The following TMEM117 variants were observed in gnomAD, a reference collection of about 807,000 sequenced individuals.
The protein encoded by TMEM117 is transmembrane protein 117.
TMEM117 carries 27 observed loss-of-function variants against 52.4 expected under a neutral mutation model. The observed-to-expected ratio is 0.51, with a 90% CI of 0.38 to 0.71. The LOEUF is 0.71. Among genes scored for constraint, TMEM117 ranks in the 30% least tolerant of loss-of-function variants. The probability of loss-of-function intolerance (pLI) is 0.00; values close to 1 mark genes in which losing one functional copy is unlikely to be tolerated. For synonymous variants in TMEM117, 215 were observed against 206.3 expected (o/e 1.04, Z -0.36); for missense variants, 556 against 630.5 (o/e 0.88, Z 1.26).
intron 3 of TMEM117, among the ~76,000 whole-genome samples, chr12:44,106,586 A>G (rs1442663620): frequency 3.9e-5 from 6 of 152,012 alleles, no homozygotes; most frequent in African/African-American, 1.2e-4. Context: ...AACTGTATTT[A>G]ACAATAATAT....
At chr12:44,280,154 A>T (rs991965719) in intron 5 of TMEM117, among the ~76,000 whole-genome samples, 4 of 152,192 alleles carry the variant, frequency 2.6e-5, no homozygotes, top group Non-Finnish European at 5.9e-5. Context: ...CATTTGAAAG[A>T]TTCAAAATTC....
intron 5 of TMEM117, among the ~76,000 whole-genome samples, chr12:44,284,037 G>T (rs554126783): frequency 2.0e-5 from 3 of 152,068 alleles, no homozygotes; most frequent in Non-Finnish European, 4.4e-5. Flanking sequence ...CCTTTTGGCC[G>T]GGTGCGGTGG....
chr12:44,139,286 A>T (rs1948537389), intron 3 of TMEM117, among the ~76,000 whole-genome samples: 1 of 152,130 alleles, frequency 6.6e-6, no homozygotes, highest in Non-Finnish European at 1.5e-5. Context: ...TAATAGACTG[A>T]AGTGAACTGG....
At chr12:44,126,512 A>G (rs896445311) in intron 3 of TMEM117, among the ~76,000 whole-genome samples, 2 of 152,242 alleles carry the variant, frequency 1.3e-5, no homozygotes, top group Admixed American at 6.5e-5. Context: ...CTGTATTCAT[A>G]TAATGCCTTG....
chr12:44,042,318 TTTAC>T (rs1454226179), intron 3 of TMEM117, among the ~76,000 whole-genome samples: 12 of 151,790 alleles, frequency 7.9e-5, no homozygotes, highest in African/African-American at 2.4e-4. Context: ...TCTGCTGGGA[TTTAC>T]TTATTTATTT....
chr12:44,328,818 A>G (rs1278694575), intron 6 of TMEM117, among the ~76,000 whole-genome samples: 1 of 152,100 alleles, frequency 6.6e-6, no homozygotes, highest in Non-Finnish European at 1.5e-5. Flanking sequence ...GTTCTTAAAT[A>G]TAGATTTTAT....
intron 3 of TMEM117, among the ~76,000 whole-genome samples, chr12:44,004,533 A>AGGATGGT (rs1482507588): frequency 6.6e-6 from 1 of 152,114 alleles, no homozygotes; most frequent in Non-Finnish European, 1.5e-5. Context: ...CATTGTAGGG[A>AGGATGGT]GGATGGTGGC....
chr12:44,381,273 T>G (rs1952016409), intron 7 of TMEM117, among the ~76,000 whole-genome samples: 1 of 152,204 alleles, frequency 6.6e-6, no homozygotes, highest in African/African-American at 2.4e-5. Context: ...TAGCCCAAGT[T>G]CATTGTTCTC....
Position 44,388,373 on chromosome 12 carries a change from C to T in TMEM117, c.1246C>T (p.Arg416Ter). The T allele has an allele frequency of 6.2e-7, 1 of 1,613,292 alleles. No homozygotes were observed. The highest frequency in any genetic ancestry group is 8.5e-7 in the Non-Finnish European group (1 of 1,179,596). The change falls in exon 8 of 8, where the codon CGA (arginine) becomes TGA (stop). Residue 416 changes from arginine to a stop codon, truncating the protein, a stop_gained. Transcript: ENST00000266534. LOFTEE classifies it high-confidence loss of function. ...WFGFFIWFFG[R>*]FLKNEPRMEN... Reference sequence around the variant, plus strand: ...TGGATTCTTTATTTGGTTCTTTGGACGATTTTTGAAAAATGAGCCACGCAT... The same window carrying T: ...TGGATTCTTTATTTGGTTCTTTGGATGATTTTTGAAAAATGAGCCACGCAT...
intron 3 of TMEM117, among the ~76,000 whole-genome samples, chr12:44,115,861 T>A (rs1948132498): frequency 6.6e-6 from 1 of 152,332 alleles, no homozygotes; most frequent in East Asian, 1.9e-4. Flanking sequence ...TCATACATGA[T>A]AAAGTGCCTT....
intron 5 of TMEM117, among the ~76,000 whole-genome samples, chr12:44,246,282 G>T (rs924775936): frequency 6.6e-6 from 1 of 151,970 alleles, no homozygotes; most frequent in Non-Finnish European, 1.5e-5. Flanking sequence ...GATATTCTGG[G>T]TTTTATTTTT....
intron 3 of TMEM117, among the ~76,000 whole-genome samples, chr12:44,065,359 G>T (rs1947206390): frequency 6.6e-6 from 1 of 151,972 alleles, no homozygotes; most frequent in Non-Finnish European, 1.5e-5. Flanking sequence ...CTGCACTCCA[G>T]CCTGGGCTAC....
intron 5 of TMEM117, among the ~76,000 whole-genome samples, chr12:44,234,629 A>T (rs1329961147): frequency 6.7e-6 from 1 of 149,810 alleles, no homozygotes; most frequent in East Asian, 2.0e-4. Context: ...TATTTCCTAC[A>T]TTTTTTTTGC....
At chr12:44,090,396 C>CTTTTTTT (rs201492790) in intron 3 of TMEM117, among the ~76,000 whole-genome samples, 13 of 143,846 alleles carry the variant, frequency 9.0e-5, no homozygotes, top group African/African-American at 3.3e-4. Context: ...TTTTATCTTA[C>CTTTTTTT]TTTTTATTTA....
At chr12:44,338,085 A>T (rs1372071735) in intron 6 of TMEM117, among the ~76,000 whole-genome samples, 1 of 151,650 alleles carries the variant, frequency 6.6e-6, no homozygotes, top group Non-Finnish European at 1.5e-5. Context: ...AAGTATTTTT[A>T]AAGGTTCATT....
At chr12:44,229,597 C>T (rs961641755) in intron 5 of TMEM117, among the ~76,000 whole-genome samples, 4 of 152,130 alleles carry the variant, frequency 2.6e-5, no homozygotes, top group African/African-American at 9.7e-5. Context: ...TGCCCCACTT[C>T]TCACCTTTCT....
intron 4 of TMEM117, among the ~76,000 whole-genome samples, chr12:44,198,802 G>A (rs764348309): frequency 7.2e-5 from 11 of 152,080 alleles, no homozygotes; most frequent in Admixed American, 2.0e-4. Flanking sequence ...AAAGGAAGGG[G>A]CACCATAGTT....
At chr12:43,950,207 T>C (rs1171568213) in intron 3 of TMEM117, among the ~76,000 whole-genome samples, 1 of 152,178 alleles carries the variant, frequency 6.6e-6, no homozygotes, top group East Asian at 1.9e-4. Flanking sequence ...TTTAGGCCAA[T>C]CTTGAGGACT....
Position 44,196,311 on chromosome 12 carries a change from G to A in TMEM117, c.511-14979G>A, listed in dbSNP as rs117965704. ...AAATAAAGGTACTATATAGAGGATC[G>A]AAATATACAAAATTTGTTATCTGAA... is the stretch of plus-strand genomic sequence containing the variant. On this transcript the variant is annotated intron_variant, in intron 4 of 7. Coordinates refer to ENST00000266534, the MANE Select transcript of TMEM117 (RefSeq NM_032256.3). Among the ~76,000 whole-genome samples the A allele has an allele frequency of 1.5e-3, 232 of 151,868 alleles. 6 individuals carry two copies. In the East Asian group the frequency reaches 0.035, roughly 23 times the overall value.
Sources: gnomAD v4.1 joint callset for allele counts (sites outside exome capture counted in the v4.1 genomes callset) on GRCh38, gnomAD v4.1.1 for gene constraint, MANE v1.5 for transcripts, NCBI Gene and HGNC (gene_info 2026-07-23, HGNC 2026-07-21) for gene names.